SLFN12L: variants seen among roughly 807,000 people sequenced by gnomAD.
SLFN12L encodes schlafen family member 12-like.
Under a neutral mutation model 34.8 loss-of-function variants are expected in SLFN12L, and 34 were observed. The observed-to-expected ratio is 0.98, with a 90% CI of 0.74 to 1.30. The LOEUF is 1.30. Ranked by LOEUF, SLFN12L falls within the 50% of genes most tolerant of loss-of-function variation. The pLI is 0.00. For missense variants in SLFN12L, 703 were observed against 696.2 expected (o/e 1.01, Z -0.11); for synonymous variants, 259 against 247.5 (o/e 1.05, Z -0.44).
rs2142116876 is a variant in SLFN12L at position 35,467,474 on chromosome 17, G to A, written c.*7449C>T. On this transcript the variant is annotated 3_prime_UTR_variant, in exon 5 of 5. Coordinates refer to ENST00000628453, the MANE Select transcript of SLFN12L (RefSeq NM_001363830.2). ...ATAACCAAGGCACACATTTCACATT[G>A]CAAAATACACACTGAATGGGCTCCC... Among the ~76,000 whole-genome samples the A allele has an allele frequency of 6.6e-6, 1 of 152,240 alleles. No individual in the cohort carries two copies. Among genetic ancestry groups the A allele is most frequent in the East Asian group, 1.9e-4 (1 of 5,180 alleles).
In SLFN12L at chr17:35,527,077, A is replaced by G. The variant is rs769660632; in HGVS notation, c.-605-4108T>C. Reference sequence around the variant, plus strand: ...CAAACCACCATCAGAGAATACTGTAAACACCTCTATGCAAATAAACTAGAA... The same window carrying G: ...CAAACCACCATCAGAGAATACTGTAGACACCTCTATGCAAATAAACTAGAA... On this transcript the variant is annotated intron_variant, in intron 1 of 4. Coordinates refer to ENST00000628453, the MANE Select transcript of SLFN12L (RefSeq NM_001363830.2). Among the ~76,000 whole-genome samples, 128 of 152,248 alleles carry G rather than the reference A, an allele frequency of 8.4e-4. 1 individual carries two copies. Among genetic ancestry groups the G allele is most frequent in the Non-Finnish European group, 2.1e-4 (14 of 68,050 alleles).
chr17:35,469,337 TAATA>T lies in SLFN12L; in HGVS notation c.*5582_*5585del, dbSNP rs1567636005. Among the ~76,000 whole-genome samples the T allele has an allele frequency of 1.1e-4, 11 of 104,498 alleles. 1 individual carries two copies. In the South Asian group the frequency reaches 6.8e-3, roughly 65 times the overall value. The allele number at this position is 104,498 out of a possible 152,430, so 68.6% of individuals were successfully genotyped here. ...TATATTATATATATAAATATATATA[TAATA>T]TATATATATATGTATTTCAAACTTT... On this transcript the variant is annotated 3_prime_UTR_variant, in exon 5 of 5. Transcript: ENST00000628453.
intron 2 of SLFN12L, among the ~76,000 whole-genome samples, chr17:35,521,896 G>A (rs944111620): frequency 7.2e-5 from 11 of 152,004 alleles, no homozygotes; most frequent in African/African-American, 2.4e-4. Context: ...AATGACCCGA[G>A]TCGGTTTTCT....
At chr17:35,498,560 A>G in intron 2 of SLFN12L, 2 of 1,456,788 alleles carry the variant, frequency 1.4e-6, no homozygotes, top group Non-Finnish European at 1.9e-6. Context: ...CAAAAAGTAC[A>G]GTGGAAAGTT....
At chr17:35,487,963 C>T (rs1384083502) in intron 2 of SLFN12L, 1 of 684,448 alleles carries the variant, frequency 1.5e-6, no homozygotes, top group Admixed American at 2.0e-5. Context: ...AATCCCAGCA[C>T]TTTGGGAGGC....
At chr17:35,489,824 G>A (rs1001832542) in intron 2 of SLFN12L, among the ~76,000 whole-genome samples, 2 of 152,168 alleles carry the variant, frequency 1.3e-5, no homozygotes, top group South Asian at 2.1e-4. Flanking sequence ...ACCTTGCCAA[G>A]CCTAATATCA....
chr17:35,528,059 AACAG>A (rs1217344842), intron 1 of SLFN12L, among the ~76,000 whole-genome samples: 2 of 152,050 alleles, frequency 1.3e-5, no homozygotes, highest in Non-Finnish European at 2.9e-5. Context: ...ATGCACCGAT[AACAG>A]ACAGACAGCC....
intron 2 of SLFN12L, chr17:35,498,989 C>G (rs940158397): frequency 4.3e-6 from 3 of 701,516 alleles, no homozygotes; most frequent in South Asian, 1.3e-5. Flanking sequence ...CCCTCACTAC[C>G]GTCTGCTTCT....
chr17:35,486,442 A>C (rs1279843867), intron 2 of SLFN12L, among the ~76,000 whole-genome samples: 1 of 152,152 alleles, frequency 6.6e-6, no homozygotes, highest in East Asian at 1.9e-4. Flanking sequence ...AACCCATGGG[A>C]GCTGCAGTTG....
chr17:35,509,581 A>T (rs551564144), intron 2 of SLFN12L, among the ~76,000 whole-genome samples: 1 of 152,218 alleles, frequency 6.6e-6, no homozygotes, highest in East Asian at 1.9e-4. Flanking sequence ...TAGTTACAGT[A>T]GTTGGTGTTT....
Position 35,473,312 on chromosome 17 carries a change from T to A in SLFN12L, c.*1611A>T, listed in dbSNP as rs1250925291. ...TTGTCATGAATAGCTCTTATTGTTT[T>A]GAGATATGTTTCATCAATACCCAGT... On this transcript the variant is annotated 3_prime_UTR_variant, in exon 5 of 5. Transcript: ENST00000628453. 6.6e-6 allele frequency among the ~76,000 whole-genome samples: 1 copy of A among 152,216 alleles called. No homozygotes were observed. The highest frequency in any genetic ancestry group is 2.4e-5 in the African/African-American group (1 of 41,456).
intron 2 of SLFN12L, among the ~76,000 whole-genome samples, chr17:35,481,215 A>C (rs1244664008): frequency 6.6e-6 from 1 of 152,202 alleles, no homozygotes; most frequent in Non-Finnish European, 1.5e-5. Context: ...TGCCTGGGGA[A>C]GGCACCTGTT....
At chr17:35,503,683 A>G (rs1915375396) in intron 2 of SLFN12L, among the ~76,000 whole-genome samples, 1 of 152,208 alleles carries the variant, frequency 6.6e-6, no homozygotes, top group Admixed American at 6.5e-5. Context: ...TCTTTAAAAA[A>G]TAATTACATA....
chr17:35,507,617 G>A (rs1230983477), intron 2 of SLFN12L, among the ~76,000 whole-genome samples: 1 of 152,182 alleles, frequency 6.6e-6, no homozygotes, highest in African/African-American at 2.4e-5. Flanking sequence ...TGCAAGTGTG[G>A]CATGGATTTG....
intron 2 of SLFN12L, among the ~76,000 whole-genome samples, chr17:35,510,906 G>C (rs566750378): frequency 2.0e-4 from 30 of 150,462 alleles, no homozygotes; most frequent in Non-Finnish European, 3.7e-4. Flanking sequence ...AAGTTACTTT[G>C]AATGTCTTGC....
chr17:35,487,475 C>G (rs575368714), intron 2 of SLFN12L, among the ~76,000 whole-genome samples: 2 of 152,152 alleles, frequency 1.3e-5, no homozygotes, highest in South Asian at 4.1e-4. Context: ...CGGACCACCC[C>G]CCCCGGACCC....
chr17:35,498,812 G>A, intron 2 of SLFN12L: 1 of 852,162 alleles, frequency 1.2e-6, no homozygotes, highest in African/African-American at 1.7e-5. Context: ...ATCTTGATGT[G>A]CAGCCTGCCA....
rs1464374674 is a variant in SLFN12L at position 35,479,441 on chromosome 17, C to A, written c.841G>T (p.Val281Phe). The change falls in exon 3 of 5, where the codon GTT becomes TTT. Residue 281 changes from valine (V) to phenylalanine (F), a missense_variant. By Grantham distance (50) the Val-to-Phe change is conservative. Coordinates refer to ENST00000628453, the MANE Select transcript of SLFN12L (RefSeq NM_001363830.2). ...FANTDGGYLFVGLNEDKEVIG... is the reference protein window; with the variant it reads ...FANTDGGYLFFGLNEDKEVIG... ...ACTTCTTTATCTTCATTTAGACCAA[C>A]GAATAAATATCCTCCATCAGTATTT... 10 of 1,614,002 alleles carry A rather than the reference C, an allele frequency of 6.2e-6. No individual in the cohort carries two copies. The highest frequency in any genetic ancestry group is 8.5e-6 in the Non-Finnish European group (10 of 1,180,006).
At chr17:35,533,738 T>G (rs2072432593) in intron 1 of SLFN12L, among the ~76,000 whole-genome samples, 1 of 152,134 alleles carries the variant, frequency 6.6e-6, no homozygotes. Context: ...TGTCCAGCTG[T>G]GCATTGTCTG....
Sources: gnomAD v4.1 joint callset for allele counts (sites outside exome capture counted in the v4.1 genomes callset) on GRCh38, gnomAD v4.1.1 for gene constraint, MANE v1.5 for transcripts, NCBI Gene and HGNC (gene_info 2026-07-23, HGNC 2026-07-21) for gene names.